LCN6: variants seen among roughly 807,000 people sequenced by gnomAD.
The protein encoded by LCN6 is epididymal-specific lipocalin-6.
In LCN6, 20 loss-of-function variants were observed where a neutral mutation model predicts 21.4. The ratio of observed to expected loss-of-function variants is 0.93; its 90% CI spans 0.66 to 1.36. LCN6 has a LOEUF of 1.36. Ranked by LOEUF, LCN6 falls within the 40% of genes most tolerant of loss-of-function variation. The pLI, the probability that LCN6 is intolerant of heterozygous loss-of-function variation, is 0.00. For synonymous variants in LCN6, 96 were observed against 89.0 expected (o/e 1.08, Z -0.44); for missense variants, 217 against 206.6 (o/e 1.05, Z -0.31).
At position 136,745,247 on chromosome 9, in the gene LCN6, G is replaced by T; in HGVS notation, c.335C>A (p.Thr112Asn). 1 of 1,613,638 alleles carries T rather than the reference G, an allele frequency of 6.2e-7. No homozygotes were observed. The highest frequency in any genetic ancestry group is 1.1e-5 in the South Asian group (1 of 91,074). ...GATGATGGCATAGTCTCTGAAGTTG[G>T]TGGCCAGCACCCAGAGCTCCAGCAC... ...IGVLELWVLA[T>N]NFRDYAIIFT... Residue 112 changes from threonine to asparagine, a missense_variant, in exon 4 of 7, where the codon ACC becomes AAC. Thr to Asn is a moderately conservative substitution (Grantham distance 65). Coordinates refer to ENST00000341206, the MANE Select transcript of LCN6 (RefSeq NM_198946.3).
intron 1 of LCN6, 87 bp downstream of exon 1, chr9:136,748,307 A>C: frequency 8.4e-7 from 1 of 1,190,198 alleles, no homozygotes; most frequent in African/African-American, 1.5e-5. Flanking sequence ...GGTCTGGGCT[A>C]GCCCTGGGGG....
rs556007321 is a variant in LCN6, at chr9:136,744,524, C to A, written c.*22+116G>T. 2 of 656,306 alleles carry A rather than the reference C, an allele frequency of 3.0e-6. No individual in the cohort carries two copies. Among genetic ancestry groups the A allele is most frequent in the Middle Eastern group, 2.6e-4 (1 of 3,890 alleles). The allele number at this position is 656,306 out of a possible 1,614,324, so 40.7% of individuals were successfully genotyped here. On this transcript the variant is annotated intron_variant, in intron 5 of 6. Transcript: ENST00000341206. This position sits in a 1 kb window ranked among gnomAD's most constrained non-coding sequence, Gnocchi z 4.2. The stretch of plus-strand genomic sequence containing the variant: ...CTCAGCCTGCCTGACTCCTTCAGGG[C>A]GACTGAGTCAGGCAGAAGCCAGAAT...
chr9:136,745,851 C>G lies in LCN6; in HGVS notation c.294G>C (p.Glu98Asp), dbSNP rs758507875. 6.2e-7 allele frequency: 1 copy of G among 1,613,572 alleles called. No individual in the cohort carries two copies. ...CGTGGCCGTCAGACTCACAGGGATTCTCAAACACCCATCCGGAGTTTCGCT... is the reference window on the plus strand; with the variant it reads ...CGTGGCCGTCAGACTCACAGGGATTGTCAAACACCCATCCGGAGTTTCGCT... ...LIKRNSGWVF[E>D]NPSIGVLELW... The change falls in exon 3 of 7, where the codon GAG becomes GAC. Residue 98 changes from glutamate (E) to aspartate (D), a missense_variant. Glu to Asp is a conservative substitution (Grantham distance 45). Transcript: ENST00000341206.
At position 136,744,900 on chromosome 9, in the gene LCN6, A is replaced by C. The variant is rs1311247708; in HGVS notation, c.413-159T>G. 6.6e-6 allele frequency among the ~76,000 whole-genome samples: 1 copy of C among 151,932 alleles called. No homozygotes were observed. Among genetic ancestry groups the C allele is most frequent in the Non-Finnish European group, 1.5e-5 (1 of 67,970 alleles). ...AGTGCAGCGAGCCTCAAGGTGGGGGAACTTGGCCTGCATGTGGTCCTGTGC... is the reference window on the plus strand; with the variant it reads ...AGTGCAGCGAGCCTCAAGGTGGGGGCACTTGGCCTGCATGTGGTCCTGTGC... On this transcript the variant is annotated intron_variant, in intron 4 of 6. Coordinates refer to ENST00000341206, the MANE Select transcript of LCN6 (RefSeq NM_198946.3). This position sits in a 1 kb window ranked among gnomAD's most constrained non-coding sequence, Gnocchi z 4.2.
At position 136,744,523 on chromosome 9, in the gene LCN6, G is replaced by A. The variant is rs1385835679; in HGVS notation, c.*22+117C>T. 7.7e-6 allele frequency: 5 copies of A among 651,318 alleles called. No individual in the cohort carries two copies. In the East Asian group the frequency reaches 8.3e-5, roughly 11 times the overall value. 40.3% of individuals were successfully genotyped at this position (651,318 alleles called of 1,614,324 possible). ...CCTCAGCCTGCCTGACTCCTTCAGGGCGACTGAGTCAGGCAGAAGCCAGAA... is the reference window on the plus strand; with the variant it reads ...CCTCAGCCTGCCTGACTCCTTCAGGACGACTGAGTCAGGCAGAAGCCAGAA... On this transcript the variant is annotated intron_variant, in intron 5 of 6. Coordinates refer to ENST00000341206, the MANE Select transcript of LCN6 (RefSeq NM_198946.3). The surrounding 1 kb of genome is among the most constrained non-coding windows in gnomAD (Gnocchi z 4.2).
At chr9:136,746,807 T>C (rs73554089) in intron 2 of LCN6, 9,502 of 152,582 alleles carry the variant, frequency 0.062, 1,008 homozygotes, top group African/African-American at 0.22. Flanking sequence ...CACTCTTCTG[T>C]GAAGGGAGGC....
intron 1 of LCN6, 123 bp from the exon 2 acceptor site, chr9:136,747,686 C>G (rs1847063280): frequency 1.1e-6 from 1 of 882,268 alleles, no homozygotes; most frequent in Non-Finnish European, 1.6e-6. Flanking sequence ...CTCCAACCAT[C>G]CAGCCCTCCA....
chr9:136,744,466 G>C lies in LCN6; in HGVS notation c.*23-102C>G, dbSNP rs1015326191. On this transcript the variant is annotated intron_variant, in intron 5 of 6. Transcript: ENST00000341206. The surrounding 1 kb of genome is among the most constrained non-coding windows in gnomAD (Gnocchi z 4.2). The stretch of plus-strand genomic sequence containing the variant: ...CCTGCCGTGGGGACAAGACCCCCAG[G>C]CCTGACTTTGGGCAGGGGCAGGTGA... The C allele has an allele frequency of 7.6e-6, 4 of 523,320 alleles. No individual in the cohort carries two copies. Among genetic ancestry groups the C allele is most frequent in the African/African-American group, 5.7e-5 (3 of 52,874 alleles). The allele number at this position is 523,320 out of a possible 1,614,324, so 32.4% of individuals were successfully genotyped here. A position where few individuals can be genotyped will look rare whatever the true frequency, so the allele number is the denominator to read the frequency against.
intron 1 of LCN6, 131 bp downstream of exon 1, chr9:136,748,263 G>A: frequency 1.3e-6 from 1 of 773,598 alleles, no homozygotes; most frequent in Non-Finnish European, 2.1e-6. Context: ...GACTCCCCAA[G>A]GGCTGGCCCA....
chr9:136,747,654 A>G lies in LCN6; in HGVS notation c.91-91T>C, dbSNP rs117599378. The G allele has an allele frequency of 5.6e-4, 507 of 898,564 alleles. 11 individuals carry two copies. The African/African-American group carries it at 0.012, about 21-fold the overall frequency. The allele number at this position is 898,564 out of a possible 1,614,324, so 55.7% of individuals were successfully genotyped here. A position where few individuals can be genotyped will look rare whatever the true frequency, so the allele number is the denominator to read the frequency against. ...TCCAGCCTCAGCCTCCAGCCTCCAAACCTCCAGCCTCAGCCTCCACCCTCC... is the reference window on the plus strand; with the variant it reads ...TCCAGCCTCAGCCTCCAGCCTCCAAGCCTCCAGCCTCAGCCTCCACCCTCC... On this transcript the variant is annotated intron_variant, in intron 1 of 6. Coordinates refer to ENST00000341206, the MANE Select transcript of LCN6 (RefSeq NM_198946.3).
At chr9:136,747,343 G>T (rs555130526) in intron 2 of LCN6, 81 bp downstream of exon 2, 18 of 1,524,592 alleles carry the variant, frequency 1.2e-5, no homozygotes, top group Non-Finnish European at 1.4e-5. Flanking sequence ...CGCGGTGCCC[G>T]GGAGCAGATG....
chr9:136,747,579 T>C lies in LCN6; in HGVS notation c.91-16A>G. 3 of 1,605,850 alleles carry C rather than the reference T, an allele frequency of 1.9e-6. No individual in the cohort carries two copies. The African/African-American group carries it at 4.0e-5, about 21-fold the overall frequency. On this transcript the variant is annotated splice_polypyrimidine_tract_variant and intron_variant, in intron 1 of 6. Transcript: ENST00000341206. Reference sequence around the variant, plus strand: ...GCCCAAGAAGCTGCATTGAGGCGGCTCCCGTTAGGGCCGCCAGCCCTCCAG... The same window carrying C: ...GCCCAAGAAGCTGCATTGAGGCGGCCCCCGTTAGGGCCGCCAGCCCTCCAG...
intron 3 of LCN6, 180 bp from the exon 4 acceptor site, chr9:136,745,460 T>G: frequency 2.4e-6 from 1 of 414,288 alleles, no homozygotes; most frequent in East Asian, 4.4e-5. Context: ...CGACCCCACC[T>G]GGTGCCAGCA....
At chr9:136,747,625 ACCC>A (rs1847060376) in intron 1 of LCN6, 62 bp from the exon 2 acceptor site, 1 of 1,494,380 alleles carries the variant, frequency 6.7e-7, no homozygotes, top group Non-Finnish European at 8.8e-7. Flanking sequence ...CCAGCCTCCA[ACCC>A]TCCAGCCTCA....
At chr9:136,748,059 C>CCCTCCAGCCTCCAGCCCAGCAG (rs1447337830) in intron 1 of LCN6, among the ~76,000 whole-genome samples, 1 of 149,666 alleles carries the variant, frequency 6.7e-6, no homozygotes, top group African/African-American at 2.5e-5. Context: ...AGTTCTACAG[C>CCCTCCAGCCTCCAGCCCAGCAG]CCTCCAGCCT....
At chr9:136,745,053 C>T (rs1847017512) in intron 4 of LCN6, 117 bp downstream of exon 4, 2 of 974,878 alleles carry the variant, frequency 2.1e-6, no homozygotes, top group Admixed American at 1.9e-5. Flanking sequence ...GCCCACTCAC[C>T]ACACAGCTCC....
At position 136,744,734 on chromosome 9, in the gene LCN6, C is replaced by T. The variant is rs17855144; in HGVS notation, c.420G>A (p.Thr140=). The change falls in exon 5 of 7, where the codon ACG becomes ACA. Residue 140 remains threonine (T), a synonymous_variant. Transcript: ENST00000341206. The surrounding 1 kb of genome is among the most constrained non-coding windows in gnomAD (Gnocchi z 4.2). Reference sequence around the variant, plus strand: ...CCATGGCCTCCTGGCTGGCTGTCTCCGTCAGACCTGGGGGCACCAGGGCAG... The same window carrying T: ...CCATGGCCTCCTGGCTGGCTGTCTCTGTCAGACCTGGGGGCACCAGGGCAG... ...PFNTVELYSL[T]ETASQEAMGL... 12 of 1,608,374 alleles carry T rather than the reference C, an allele frequency of 7.5e-6. No individual in the cohort carries two copies. Among genetic ancestry groups the T allele is most frequent in the African/African-American group, 5.3e-5 (4 of 74,852 alleles).
rs1847060135 is a variant in LCN6 at position 136,747,618 on chromosome 9, GCCTCCAA to G, written c.91-62_91-56del. The G allele has an allele frequency of 3.9e-6, 6 of 1,524,332 alleles. No homozygotes were observed. In the East Asian group the frequency reaches 9.5e-5, roughly 24 times the overall value. The allele number at this position is 1,524,332 out of a possible 1,614,324, so 94.4% of individuals were successfully genotyped here. ...CCAGCCCTCCAGCCTCCAGCCTCCA[GCCTCCAA>G]CCCTCCAGCCTCAGCCTCCAGCCTC... On this transcript the variant is annotated intron_variant, in intron 1 of 6. Coordinates refer to ENST00000341206, the MANE Select transcript of LCN6 (RefSeq NM_198946.3).
Position 136,748,426 on chromosome 9 carries a change from C to A in LCN6, c.58G>T (p.Ala20Ser). Reference sequence around the variant, plus strand: ...GGGTCCAGTCTTCCCAACCACACGGCCTGGGCCCTGGGCACCGAGACCAAA... The same window carrying A: ...GGGTCCAGTCTTCCCAACCACACGGACTGGGCCCTGGGCACCGAGACCAAA... ...LALVSVPRAQ[A>S]VWLGRLDPEQ... The change falls in exon 1 of 7, where the codon GCC becomes TCC. Residue 20 changes from alanine to serine, a missense_variant. By Grantham distance (99) the Ala-to-Ser change is moderately conservative. Coordinates refer to ENST00000341206, the MANE Select transcript of LCN6 (RefSeq NM_198946.3). The A allele has an allele frequency of 6.2e-7, 1 of 1,613,060 alleles. No individual in the cohort carries two copies. The highest frequency in any genetic ancestry group is 1.1e-5 in the South Asian group (1 of 91,006).
Sources: gnomAD v4.1 joint callset for allele counts (sites outside exome capture counted in the v4.1 genomes callset) on GRCh38, gnomAD v4.1.1 for gene constraint, Gnocchi (gnomAD v3.1) non-coding constraint, MANE v1.5 for transcripts, NCBI Gene and HGNC (gene_info 2026-07-23, HGNC 2026-07-21) for gene names.